Variants in KLB observed in about 807,000 individuals in gnomAD.
KLB encodes beta-klotho.
A neutral mutation model predicts 88.4 loss-of-function variants in KLB; 44 were observed. That is an observed-to-expected ratio of 0.50 (90% CI 0.39 to 0.64). The LOEUF is 0.64. Among genes scored for constraint, KLB ranks in the 30% least tolerant of loss-of-function variants. The pLI, the probability that KLB is intolerant of heterozygous loss-of-function variation, is 0.00. For missense variants in KLB, 1,137 were observed against 1,304.8 expected, an observed-to-expected ratio of 0.87 and a Z score of 1.98; for synonymous variants, 548 against 513.4, an observed-to-expected ratio of 1.07 and a Z score of -0.91.
At chr4:39,412,857 C>T (rs998200162) in intron 1 of KLB, among the ~76,000 whole-genome samples, 6 of 152,184 alleles carry the variant, frequency 3.9e-5, no homozygotes, top group Non-Finnish European at 7.3e-5. Flanking sequence ...TTTAGGATTT[C>T]TGTCTTAAAT....
intron 3 of KLB, among the ~76,000 whole-genome samples, chr4:39,438,618 T>G (rs1310218348): frequency 6.6e-6 from 1 of 152,202 alleles, no homozygotes; most frequent in Non-Finnish European, 1.5e-5. Flanking sequence ...TCCATACTTA[T>G]CACCTGTCTT....
At chr4:39,434,777 A>C in intron 2 of KLB, 57 bp downstream of exon 2, 1 of 1,352,004 alleles carries the variant, frequency 7.4e-7, no homozygotes, top group South Asian at 1.4e-5. Flanking sequence ...AGGATATTTA[A>C]AGTCACCTTT....
At chr4:39,429,623 A>AGATG (rs1560648872) in intron 1 of KLB, among the ~76,000 whole-genome samples, 1 of 152,238 alleles carries the variant, frequency 6.6e-6, no homozygotes, top group African/African-American at 2.4e-5. Context: ...TTACAGAGGT[A>AGATG]GATGGCTTTG....
intron 1 of KLB, among the ~76,000 whole-genome samples, chr4:39,421,353 T>G (rs778786986): frequency 2.6e-5 from 4 of 152,218 alleles, no homozygotes; most frequent in Non-Finnish European, 4.4e-5. Flanking sequence ...TATAACTTTG[T>G]GTAATGAACA....
chr4:39,434,918 T>C (rs1743439290), intron 2 of KLB, among the ~76,000 whole-genome samples, 198 bp downstream of exon 2: 1 of 152,082 alleles, frequency 6.6e-6, no homozygotes, highest in African/African-American at 2.4e-5. Context: ...GTGATTCTCC[T>C]GCCTCAGCCT....
Position 39,448,607 on chromosome 4 carries a change from GGCA to G in KLB, c.3058_3060del (p.Gln1020del), listed in dbSNP as rs1743816640. 4 of 1,614,072 alleles carry G rather than the reference GGCA, an allele frequency of 2.5e-6. No homozygotes were observed. The highest frequency in any genetic ancestry group is 2.5e-6 in the Non-Finnish European group (3 of 1,180,006). On this transcript the variant is annotated inframe_deletion, in exon 5 of 5. Coordinates refer to ENST00000257408, the MANE Select transcript of KLB (RefSeq NM_175737.4). ...CTCTTATCAATTGCCATTTTTCAAA[GGCA>G]GAAGAGAAGAAAGTTTTGGAAAGCA...
intron 3 of KLB, among the ~76,000 whole-genome samples, chr4:39,445,701 T>TA (rs1743728500): frequency 6.7e-6 from 1 of 148,664 alleles, no homozygotes; most frequent in Non-Finnish European, 1.5e-5. Flanking sequence ...TTTTTTTTTT[T>TA]AGTAGAGACG....
chr4:39,446,717 C>G lies in KLB; in HGVS notation c.1991C>G (p.Pro664Arg). ...PLLHADGWLN[P>R]STAEAFQAYA... ...TTGCATGCCGACGGGTGGCTGAACC[C>G]ATCGACGGCCGAGGCCTTCCAGGCC... is the stretch of plus-strand genomic sequence containing the variant. Residue 664 changes from proline (P) to arginine (R), a missense_variant, in exon 4 of 5, where the codon CCA becomes CGA. Pro to Arg is a moderately radical substitution (Grantham distance 103). Coordinates refer to ENST00000257408, the MANE Select transcript of KLB (RefSeq NM_175737.4). This position sits in a 1 kb window ranked among gnomAD's most constrained non-coding sequence, Gnocchi z 6.4. 5 of 1,607,408 alleles carry G rather than the reference C, an allele frequency of 3.1e-6. No individual in the cohort carries two copies. The highest frequency in any genetic ancestry group is 4.3e-6 in the Non-Finnish European group (5 of 1,176,008).
chr4:39,446,681 C>T lies in KLB; in HGVS notation c.1955C>T (p.Pro652Leu). The change falls in exon 4 of 5, where the codon CCC becomes CTC. Residue 652 changes from proline to leucine, a missense_variant. By Grantham distance (98) the Pro-to-Leu change is moderately conservative. Around this residue, in one of 4 missense-constraint regions of KLB, gnomAD observed 597 missense variants for 765.2 expected, o/e 0.78. Coordinates refer to ENST00000257408, the MANE Select transcript of KLB (RefSeq NM_175737.4). The surrounding 1 kb of genome is among the most constrained non-coding windows in gnomAD (Gnocchi z 6.4). ...YYPTHAHLGL[P>L]EPLLHADGWL... ...CCGACCCACGCCCACCTAGGCCTCCCCGAGCCTCTGTTGCATGCCGACGGG... is the reference window on the plus strand; with the variant it reads ...CCGACCCACGCCCACCTAGGCCTCCTCGAGCCTCTGTTGCATGCCGACGGG... The T allele has an allele frequency of 1.2e-6, 2 of 1,611,722 alleles. No homozygotes were observed. Among genetic ancestry groups the T allele is most frequent in the Non-Finnish European group, 1.7e-6 (2 of 1,178,688 alleles).
chr4:39,445,731 A>G (rs1163479471), intron 3 of KLB, among the ~76,000 whole-genome samples: 1 of 147,258 alleles, frequency 6.8e-6, no homozygotes, highest in Non-Finnish European at 1.5e-5. Context: ...CATGTTGGTC[A>G]GGCTAGTCTC....
At chr4:39,417,103 GA>G (rs1350141091) in intron 1 of KLB, among the ~76,000 whole-genome samples, 2 of 11,464 alleles carry the variant, frequency 1.7e-4, no homozygotes, top group East Asian at 0.062. Context: ...TGAAAAAAAG[GA>G]TTTTTTTAAA....
rs1743768225 is a variant in KLB, at chr4:39,447,095, T to C, written c.2369T>C (p.Ile790Thr). Reference sequence around the variant, plus strand: ...TACCCCGCGGCCATGAGGGAATACATTGCCTCCAAGCACCGACGGGGGCTT... The same window carrying C: ...TACCCCGCGGCCATGAGGGAATACACTGCCTCCAAGCACCGACGGGGGCTT... Reference protein sequence around the residue: ...GDYPAAMREYIASKHRRGLSS... With the variant: ...GDYPAAMREYTASKHRRGLSS... The change falls in exon 4 of 5, where the codon ATT becomes ACT. Residue 790 changes from isoleucine to threonine, a missense_variant. Physicochemically the swap from Ile to Thr is moderately conservative, Grantham distance 89 (BLOSUM62 -1). Around this residue, in one of 4 missense-constraint regions of KLB, gnomAD observed 426 missense variants for 404.6 expected, o/e 1.05. Coordinates refer to ENST00000257408, the MANE Select transcript of KLB (RefSeq NM_175737.4). The C allele has an allele frequency of 6.2e-7, 1 of 1,613,120 alleles. No homozygotes were observed. The highest frequency in any genetic ancestry group is 8.5e-7 in the Non-Finnish European group (1 of 1,179,980).
chr4:39,408,039 T>C lies in KLB; in HGVS notation c.825+265T>C, dbSNP rs367729295. ...ACCATTATACACTACAGTGTGAATA[T>C]ATGAGCTTACTTTCATTCTGTGGGA... On this transcript the variant is annotated intron_variant, in intron 1 of 4. Coordinates refer to ENST00000257408, the MANE Select transcript of KLB (RefSeq NM_175737.4). 7.2e-5 allele frequency among the ~76,000 whole-genome samples: 11 copies of C among 152,254 alleles called. No homozygotes were observed. The East Asian group carries it at 9.6e-4, about 13-fold the overall frequency.
chr4:39,445,433 A>G lies in KLB; in HGVS notation c.1606-899A>G, dbSNP rs1053176996. On this transcript the variant is annotated intron_variant, in intron 3 of 4. Coordinates refer to ENST00000257408, the MANE Select transcript of KLB (RefSeq NM_175737.4). Reference sequence around the variant, plus strand: ...TTCATCTGTTGGATGAATAAATGCTATGTTCTCACAGGCACATGGGTCGGG... The same window carrying G: ...TTCATCTGTTGGATGAATAAATGCTGTGTTCTCACAGGCACATGGGTCGGG... Among the ~76,000 whole-genome samples, 4 of 151,308 alleles carry G rather than the reference A, an allele frequency of 2.6e-5. 1 individual carries two copies. The highest frequency in any genetic ancestry group is 5.9e-5 in the Non-Finnish European group (4 of 67,944).
intron 1 of KLB, among the ~76,000 whole-genome samples, chr4:39,409,336 AG>A (rs1250568219): frequency 6.8e-6 from 1 of 147,986 alleles, no homozygotes; most frequent in East Asian, 2.0e-4. Context: ...TCTGTCACCC[AG>A]GCTGGAGTGC....
intron 1 of KLB, among the ~76,000 whole-genome samples, chr4:39,415,277 C>T (rs937948414): frequency 6.6e-6 from 1 of 152,118 alleles, no homozygotes; most frequent in Non-Finnish European, 1.5e-5. Flanking sequence ...GTATACATAT[C>T]TATACATATC....
At chr4:39,433,631 G>A (rs1208821603) in intron 1 of KLB, among the ~76,000 whole-genome samples, 1 of 152,168 alleles carries the variant, frequency 6.6e-6, no homozygotes, top group African/African-American at 2.4e-5. Context: ...AGGCCGAGGA[G>A]GGTGGATTAC....
intron 1 of KLB, among the ~76,000 whole-genome samples, chr4:39,426,042 G>A (rs963542973): frequency 3.3e-5 from 5 of 151,998 alleles, no homozygotes; most frequent in Admixed American, 3.3e-4. Context: ...CACTATGTCA[G>A]GAGATTGAGA....
intron 3 of KLB, 40 bp downstream of exon 3, chr4:39,438,035 A>G (rs1255516747): frequency 2.5e-6 from 4 of 1,569,864 alleles, no homozygotes; most frequent in East Asian, 4.5e-5. Flanking sequence ...ACTGGGAAAA[A>G]CAGTACACAC....
Sources: allele counts gnomAD v4.1 joint callset (sites outside exome capture counted in the v4.1 genomes callset), GRCh38; gene constraint gnomAD v4.1.1; regional missense constraint gnomAD v4.1.1; non-coding constraint Gnocchi (gnomAD v3.1); transcripts MANE v1.5; gene names NCBI Gene and HGNC (gene_info 2026-07-23, HGNC 2026-07-21).